The following SLIT3 variants were observed in gnomAD, a reference collection of about 807,000 sequenced individuals.
SLIT3 encodes slit homolog 3 protein.
In SLIT3, 68 loss-of-function variants were observed where a neutral mutation model predicts 184.0. That is an observed-to-expected ratio of 0.37 (90% CI 0.30 to 0.45). The LOEUF is 0.45. Ranked by LOEUF, SLIT3 falls within the 20% of genes least tolerant of loss-of-function variation. SLIT3 has a pLI of 1.00. For missense variants in SLIT3, 1,707 were observed against 2,026.0 expected (o/e 0.84, Z 3.02); for synonymous variants, 831 against 828.6 (o/e 1.00, Z -0.05).
intron 9 of SLIT3, among the ~76,000 whole-genome samples, chr5:168,797,421 T>C (rs959492352): frequency 4.6e-5 from 7 of 152,166 alleles, no homozygotes; most frequent in Non-Finnish European, 7.3e-5. Context: ...ACAACGGCAA[T>C]CCCCTCAGTT....
chr5:169,237,924 A>G (rs888898943), intron 3 of SLIT3, among the ~76,000 whole-genome samples: 1 of 152,206 alleles, frequency 6.6e-6, no homozygotes, highest in Non-Finnish European at 1.5e-5. Flanking sequence ...TAAGATTTGT[A>G]TCCAGATTCA....
chr5:169,245,874 C>A (rs1023071376), intron 2 of SLIT3, among the ~76,000 whole-genome samples: 2 of 152,168 alleles, frequency 1.3e-5, no homozygotes, highest in Non-Finnish European at 2.9e-5. Context: ...CTATCTTCCC[C>A]ACTATGCCTA....
intron 3 of SLIT3, among the ~76,000 whole-genome samples, chr5:169,235,976 C>T (rs1431797807): frequency 2.6e-5 from 4 of 152,198 alleles, no homozygotes; most frequent in Admixed American, 2.6e-4. Flanking sequence ...ACATAGAACT[C>T]TTTCGAAGGA....
chr5:168,869,822 C>T (rs1377259952), intron 5 of SLIT3, among the ~76,000 whole-genome samples: 1 of 152,186 alleles, frequency 6.6e-6, no homozygotes, highest in Non-Finnish European at 1.5e-5. Context: ...GACACAGTAC[C>T]CAGGAACGGA....
chr5:168,895,679 G>A (rs142510574), intron 4 of SLIT3, among the ~76,000 whole-genome samples: 44 of 152,222 alleles, frequency 2.9e-4, no homozygotes, highest in Non-Finnish European at 4.3e-4. Context: ...GACCCCATGC[G>A]CTATTTATTG....
At chr5:169,142,659 C>G (rs1761786034) in intron 4 of SLIT3, among the ~76,000 whole-genome samples, 1 of 152,218 alleles carries the variant, frequency 6.6e-6, no homozygotes, top group South Asian at 2.1e-4. Context: ...GTGCTACACT[C>G]TGGACATAAG....
chr5:169,154,296 G>A (rs1461907914), intron 4 of SLIT3, among the ~76,000 whole-genome samples: 2 of 152,142 alleles, frequency 1.3e-5, no homozygotes, highest in Non-Finnish European at 2.9e-5. Context: ...GGGTAACATA[G>A]ACTCTTAATG....
intron 21 of SLIT3, 72 bp from the exon 22 acceptor site, chr5:168,723,076 A>T: frequency 9.6e-7 from 1 of 1,040,186 alleles, no homozygotes; most frequent in South Asian, 1.3e-5. Context: ...CCCAAGTATC[A>T]CACATACCTG....
intron 4 of SLIT3, among the ~76,000 whole-genome samples, chr5:169,105,129 A>G (rs754638494): frequency 1.1e-4 from 17 of 152,146 alleles, no homozygotes; most frequent in Non-Finnish European, 2.4e-4. Context: ...TGGCAGATCC[A>G]CAATTTCGAT....
At chr5:169,058,660 T>C (rs1758085260) in intron 4 of SLIT3, among the ~76,000 whole-genome samples, 1 of 152,270 alleles carries the variant, frequency 6.6e-6, no homozygotes, top group African/African-American at 2.4e-5. Flanking sequence ...TGGTTCTGTC[T>C]GAATGCTTTC....
chr5:168,997,104 A>G (rs144628797), intron 4 of SLIT3, among the ~76,000 whole-genome samples: 12 of 152,166 alleles, frequency 7.9e-5, no homozygotes, highest in Non-Finnish European at 1.2e-4. Context: ...CCTCAGTTTT[A>G]TGCCTGGTGC....
At chr5:169,271,832 C>T (rs1766631093) in intron 1 of SLIT3, among the ~76,000 whole-genome samples, 2 of 152,328 alleles carry the variant, frequency 1.3e-5, no homozygotes, top group East Asian at 1.9e-4. Flanking sequence ...TCTTTATCTA[C>T]AGAGGCCTTG....
intron 7 of SLIT3, among the ~76,000 whole-genome samples, chr5:168,818,007 AC>A (rs777658981): frequency 3.3e-5 from 5 of 151,922 alleles, no homozygotes; most frequent in Admixed American, 2.6e-4. Context: ...TAAAACCAAT[AC>A]CACTTTGTGT....
At chr5:169,273,584 G>A (rs529967176) in intron 1 of SLIT3, among the ~76,000 whole-genome samples, 1 of 152,188 alleles carries the variant, frequency 6.6e-6, no homozygotes, top group Non-Finnish European at 1.5e-5. Flanking sequence ...TAGAGACCAG[G>A]ATTCATACTA....
intron 4 of SLIT3, among the ~76,000 whole-genome samples, chr5:168,921,788 G>A (rs532277821): frequency 6.6e-6 from 1 of 152,192 alleles, no homozygotes; most frequent in Non-Finnish European, 1.5e-5. Flanking sequence ...AGGAGAAGGA[G>A]AACACTTTGT....
chr5:169,242,228 G>C (rs566857771), intron 3 of SLIT3, among the ~76,000 whole-genome samples: 132 of 152,290 alleles, frequency 8.7e-4, no homozygotes, highest in African/African-American at 3.2e-3. Flanking sequence ...ACACTGAAAG[G>C]TATTATGAGA....
intron 15 of SLIT3, among the ~76,000 whole-genome samples, chr5:168,761,329 C>A (rs999674936): frequency 1.3e-5 from 2 of 152,180 alleles, no homozygotes; most frequent in African/African-American, 4.8e-5. Context: ...CCTTCCTAAG[C>A]ACTTCCCTCT....
intron 3 of SLIT3, among the ~76,000 whole-genome samples, chr5:169,226,512 A>G (rs17668091): frequency 0.064 from 9,742 of 152,208 alleles, 407 homozygotes; most frequent in Middle Eastern, 0.1. Flanking sequence ...GACTAAAAAC[A>G]AATTGGGTGC....
chr5:169,051,856 CAG>C (rs76143887), intron 4 of SLIT3, among the ~76,000 whole-genome samples: 2,028 of 152,230 alleles, frequency 0.013, 14 homozygotes, highest in Non-Finnish European at 0.014. Context: ...GAGGGAGAGG[CAG>C]AGAGAACACT....
Sources: allele counts gnomAD v4.1 joint callset (sites outside exome capture counted in the v4.1 genomes callset), GRCh38; gene constraint gnomAD v4.1.1; transcripts MANE v1.5; gene names NCBI Gene and HGNC (gene_info 2026-07-23, HGNC 2026-07-21).